The following FLYWCH1 variants were observed in gnomAD, a reference collection of about 807,000 sequenced individuals.
FLYWCH1 encodes FLYWCH-type zinc finger 1.
A neutral mutation model predicts 66.4 loss-of-function variants in FLYWCH1; 75 were observed. That is an observed-to-expected ratio of 1.13 (90% CI 0.94 to 1.37). The LOEUF is 1.37. Among genes scored for constraint, FLYWCH1 ranks in the 40% most tolerant of loss-of-function variants. The pLI, the probability that FLYWCH1 is intolerant of heterozygous loss-of-function variation, is 0.00. For synonymous variants in FLYWCH1, 595 were observed against 429.9 expected (o/e 1.38, Z -4.75); for missense variants, 1,334 against 1,001.8 (o/e 1.33, Z -4.48).
chr16:2,936,465 C>T (rs1430134837), intron 6 of FLYWCH1: 2 of 446,620 alleles, frequency 4.5e-6, no homozygotes, highest in South Asian at 1.6e-5. Flanking sequence ...CCCCGCTGGC[C>T]TCTCCTCTAG....
chr16:2,912,985 T>C (rs2070043267), intron 1 of FLYWCH1: 1 of 152,240 alleles, frequency 6.6e-6, no homozygotes, highest in African/African-American at 2.4e-5. Context: ...TATATCATGT[T>C]TCTCTTGTTC....
At position 2,950,907 on chromosome 16, in the gene FLYWCH1, G is replaced by C. The variant is rs2071646810; in HGVS notation, c.*2180G>C. The C allele has an allele frequency of 6.6e-6, 1 of 152,290 alleles. No individual in the cohort carries two copies. Among genetic ancestry groups the C allele is most frequent in the African/African-American group, 2.4e-5 (1 of 41,476 alleles). The allele number at this position is 152,290 out of a possible 1,614,324, so 9.4% of individuals were successfully genotyped here. A position where few individuals can be genotyped will look rare whatever the true frequency, so the allele number is the denominator to read the frequency against. On this transcript the variant is annotated 3_prime_UTR_variant, in exon 10 of 10. Coordinates refer to ENST00000253928, the MANE Select transcript of FLYWCH1 (RefSeq NM_001308068.2). The stretch of plus-strand genomic sequence containing the variant: ...GGCCACTCAGCCATGACAAGGGCCT[G>C]ACAGCCACTAAGTGAGCTTCAGAGC...
Position 2,912,008 on chromosome 16 carries a change from G to A in FLYWCH1, c.-334G>A, listed in dbSNP as rs1439612033. ...GCGCGGTCACGGGGCTCGCTCCCGA[G>A]GGGCAGGTCGGGGCTGGGAGCTGGT... On this transcript the variant is annotated 5_prime_UTR_variant, in exon 1 of 10. Coordinates refer to ENST00000253928, the MANE Select transcript of FLYWCH1 (RefSeq NM_001308068.2). 6.6e-6 allele frequency: 1 copy of A among 152,424 alleles called. No individual in the cohort carries two copies. The highest frequency in any genetic ancestry group is 1.5e-5 in the Non-Finnish European group (1 of 68,204). The allele number at this position is 152,424 out of a possible 1,614,324, so 9.4% of individuals were successfully genotyped here. A position where few individuals can be genotyped will look rare whatever the true frequency, so the allele number is the denominator to read the frequency against.
intron 2 of FLYWCH1, among the ~76,000 whole-genome samples, chr16:2,917,986 C>T (rs922875971): frequency 2.6e-5 from 4 of 151,090 alleles, no homozygotes; most frequent in African/African-American, 7.3e-5. Context: ...TACAGGCGCC[C>T]GCCACCATGC....
At position 2,933,514 on chromosome 16, in the gene FLYWCH1, T is replaced by C. The variant is rs1392972098; in HGVS notation, c.1181T>C (p.Val394Ala). The change falls in exon 5 of 10, where the codon GTC (valine) becomes GCC (alanine). Residue 394 changes from valine to alanine, a missense_variant. Val to Ala is a moderately conservative substitution (Grantham distance 64). Transcript: ENST00000253928. ...TRPRPRKRAK[V>A]EDQELPTQPE... Reference sequence around the variant, plus strand: ...CCTCGGCCCAGAAAGCGAGCAAAGGTCGAAGACCAGGAGCTGCCAACCCAG... The same window carrying C: ...CCTCGGCCCAGAAAGCGAGCAAAGGCCGAAGACCAGGAGCTGCCAACCCAG... 2 of 1,611,814 alleles carry C rather than the reference T, an allele frequency of 1.2e-6. No homozygotes were observed. Among genetic ancestry groups the C allele is most frequent in the African/African-American group, 2.7e-5 (2 of 74,850 alleles).
chr16:2,934,672 G>A (rs1234302058), intron 6 of FLYWCH1: 1 of 456,888 alleles, frequency 2.2e-6, no homozygotes, highest in Non-Finnish European at 4.4e-6. Flanking sequence ...GGTCATGTGA[G>A]TTGCCTCATG....
chr16:2,943,774 C>G (rs960362090), intron 9 of FLYWCH1, among the ~76,000 whole-genome samples: 2 of 151,284 alleles, frequency 1.3e-5, no homozygotes, highest in Non-Finnish European at 1.5e-5. Flanking sequence ...TGTCTCTACT[C>G]AAAATACAAA....
At position 2,923,154 on chromosome 16, in the gene FLYWCH1, C is replaced by T. The variant is rs971861086; in HGVS notation, c.-73-6459C>T. The stretch of plus-strand genomic sequence containing the variant: ...CTGTGGACGCCTTTCAACGCTGCCG[C>T]CTTGGCCTTTAAAGCCTTTGCTTTG... On this transcript the variant is annotated intron_variant, in intron 2 of 9. Transcript: ENST00000253928. 6 of 378,528 alleles carry T rather than the reference C, an allele frequency of 1.6e-5. No homozygotes were observed. The East Asian group carries it at 4.3e-4, about 27-fold the overall frequency. The allele number at this position is 378,528 out of a possible 1,614,324, so 23.4% of individuals were successfully genotyped here. A position where few individuals can be genotyped will look rare whatever the true frequency, so the allele number is the denominator to read the frequency against.
chr16:2,914,369 G>A (rs1181463277), intron 2 of FLYWCH1, 80 bp downstream of exon 2: 2 of 152,228 alleles, frequency 1.3e-5, no homozygotes, highest in African/African-American at 4.8e-5. Context: ...ACCCCTTGGT[G>A]TCTGAGAGAC....
At chr16:2,912,674 A>G (rs1048394118) in intron 1 of FLYWCH1, among the ~76,000 whole-genome samples, 7 of 152,156 alleles carry the variant, frequency 4.6e-5, no homozygotes, top group African/African-American at 1.7e-4. Flanking sequence ...CGCTTGTTTA[A>G]GCTCACATGA....
intron 2 of FLYWCH1, among the ~76,000 whole-genome samples, chr16:2,920,677 G>A (rs1217834890): frequency 6.6e-6 from 1 of 151,970 alleles, no homozygotes; most frequent in Non-Finnish European, 1.5e-5. Context: ...GAGTAGCTGG[G>A]ATTGCAGGCA....
intron 2 of FLYWCH1, among the ~76,000 whole-genome samples, chr16:2,916,307 T>C (rs2070164990): frequency 6.6e-6 from 1 of 152,112 alleles, no homozygotes; most frequent in Non-Finnish European, 1.5e-5. Flanking sequence ...GCCACTGTAC[T>C]CCAGCCTGGG....
Position 2,930,029 on chromosome 16 carries a change from C to A in FLYWCH1, c.325+19C>A. 1 of 1,589,032 alleles carries A rather than the reference C, an allele frequency of 6.3e-7. No homozygotes were observed. On this transcript the variant is annotated intron_variant, in intron 3 of 9. Coordinates refer to ENST00000253928, the MANE Select transcript of FLYWCH1 (RefSeq NM_001308068.2). ...GATGCAGGTGAGGTGTGGCTTCCCG[C>A]CCCTGCCCAGCCACCCCGTGGGTTC...
At chr16:2,945,924 G>A (rs1415523030) in intron 9 of FLYWCH1, among the ~76,000 whole-genome samples, 1 of 151,936 alleles carries the variant, frequency 6.6e-6, no homozygotes, top group East Asian at 1.9e-4. Context: ...GTGAACCCGG[G>A]AGGCAGAGCT....
intron 2 of FLYWCH1, among the ~76,000 whole-genome samples, chr16:2,928,011 C>A (rs2070632853): frequency 6.6e-6 from 1 of 152,194 alleles, no homozygotes; most frequent in Non-Finnish European, 1.5e-5. Flanking sequence ...GCAAAGGAAT[C>A]TGTATCATGA....
In FLYWCH1 at chr16:2,938,425, G is replaced by T. The variant is rs374129897; in HGVS notation, c.2019G>T (p.Arg673=). Residue 673 remains arginine (R), a synonymous_variant, in exon 8 of 10, where the codon CGG becomes CGT. Coordinates refer to ENST00000253928, the MANE Select transcript of FLYWCH1 (RefSeq NM_001308068.2). ...AGLEALRQRE[R]LPTTAQQEDP... ...TGGAGGCCTTGAGGCAACGGGAGCG[G>T]CTCCCCACCACGGCCCAGCAGGAGG... 7.4e-5 allele frequency: 113 copies of T among 1,534,104 alleles called. No homozygotes were observed. The African/African-American group carries it at 1.2e-3, about 17-fold the overall frequency.
At chr16:2,936,813 C>T (rs2071023024) in intron 6 of FLYWCH1, 7 of 576,136 alleles carry the variant, frequency 1.2e-5, no homozygotes, top group South Asian at 7.6e-5. Flanking sequence ...TGCATGCAAG[C>T]CTGGGCGGGT....
chr16:2,938,070 G>T, intron 7 of FLYWCH1, 114 bp from the exon 8 acceptor site: 1 of 1,042,574 alleles, frequency 9.6e-7, no homozygotes, highest in South Asian at 1.6e-5. Flanking sequence ...ACCGTGCAGC[G>T]TGCTAGGGGA....
At chr16:2,933,649 G>T in intron 5 of FLYWCH1, 67 bp downstream of exon 5, 2 of 1,565,170 alleles carry the variant, frequency 1.3e-6, no homozygotes, top group South Asian at 2.4e-5. Context: ...TCCAGGGAGG[G>T]AAGGGGGTGC....
Sources: allele counts gnomAD v4.1 joint callset (sites outside exome capture counted in the v4.1 genomes callset), GRCh38; gene constraint gnomAD v4.1.1; transcripts MANE v1.5; gene names NCBI Gene and HGNC (gene_info 2026-07-23, HGNC 2026-07-21).